Variants in PLD5 observed in about 807,000 individuals in gnomAD.
PLD5 encodes inactive phospholipase D5.
PLD5 carries 36 observed loss-of-function variants against 61.1 expected under a neutral mutation model. That is an observed-to-expected ratio of 0.59 (90% CI 0.45 to 0.78). PLD5 has a LOEUF of 0.78. PLD5 is among the 30% of genes least tolerant of loss of function. The pLI is 0.00. For missense variants in PLD5, 515 were observed against 644.4 expected (o/e 0.80, Z 2.17); for synonymous variants, 243 against 242.8 (o/e 1.00, Z -0.01).
intron 4 of PLD5, among the ~76,000 whole-genome samples, chr1:242,225,801 C>T (rs1254011274): frequency 6.6e-6 from 1 of 152,228 alleles, no homozygotes; most frequent in East Asian, 1.9e-4. Flanking sequence ...TGGGTAGTTT[C>T]CACTTACTGG....
intron 1 of PLD5, chr1:242,365,767 C>A: frequency 4.6e-6 from 1 of 215,220 alleles, no homozygotes; most frequent in South Asian, 8.2e-5. Flanking sequence ...GAAAAATTGG[C>A]AGAATGTCTA....
intron 1 of PLD5, among the ~76,000 whole-genome samples, chr1:242,421,168 C>T (rs1665120937): frequency 8.8e-6 from 1 of 113,762 alleles, no homozygotes; most frequent in Admixed American, 1.1e-4. Flanking sequence ...GACAGTGAGA[C>T]TCCACCTCAA....
chr1:242,362,599 G>A lies in PLD5; in HGVS notation c.190-14357C>T, dbSNP rs118043970. On this transcript the variant is annotated intron_variant, in intron 1 of 9. Transcript: ENST00000536534. ...CTAGTGATGTTCCCAAAGGAAGCAC[G>A]TCACCCAGTAGACCCAGAGTAATCT... 1.7e-3 allele frequency among the ~76,000 whole-genome samples: 258 copies of A among 152,214 alleles called. 5 individuals are homozygous for A. In the East Asian group the frequency reaches 0.038, roughly 22 times the overall value.
At chr1:242,096,376 C>A (rs955486260) in intron 9 of PLD5, among the ~76,000 whole-genome samples, 25 of 152,074 alleles carry the variant, frequency 1.6e-4, no homozygotes, top group Admixed American at 4.6e-4. Context: ...GAGTCTTGCT[C>A]TGCCACCCAG....
intron 1 of PLD5, among the ~76,000 whole-genome samples, chr1:242,438,390 A>G (rs1572152800): frequency 2.6e-5 from 4 of 151,316 alleles, no homozygotes; most frequent in African/African-American, 9.7e-5. Context: ...CAGTCTCCCA[A>G]ATAGCTGGGA....
intron 4 of PLD5, among the ~76,000 whole-genome samples, chr1:242,251,557 G>C (rs868763534): frequency 3.5e-4 from 53 of 152,254 alleles, no homozygotes; most frequent in African/African-American, 1.1e-3. Flanking sequence ...TCAGGGCAGA[G>C]CCGGGCTGCC....
rs143198396 is a variant in PLD5 at position 242,385,652 on chromosome 1, C to T, written c.190-37410G>A. 1.6e-3 allele frequency among the ~76,000 whole-genome samples: 244 copies of T among 152,170 alleles called. 1 individual carries two copies. The highest frequency in any genetic ancestry group is 5.6e-3 in the African/African-American group (233 of 41,484). On this transcript the variant is annotated intron_variant, in intron 1 of 9. Transcript: ENST00000536534. ...CGACCTGGTGTTGGGTCTGATCACC[C>T]CAACACTAAAAATCAAAAATTAAAG...
chr1:242,384,112 T>C (rs1662460936), intron 1 of PLD5, among the ~76,000 whole-genome samples: 1 of 152,282 alleles, frequency 6.6e-6, no homozygotes, highest in Non-Finnish European at 1.5e-5. Flanking sequence ...TTTGTGTTTC[T>C]TGTTATCTTT....
At chr1:242,398,870 C>T (rs955606579) in intron 1 of PLD5, among the ~76,000 whole-genome samples, 1 of 152,234 alleles carries the variant, frequency 6.6e-6, no homozygotes, top group African/African-American at 2.4e-5. Flanking sequence ...GTGAAAGGCA[C>T]TGAAATTTCT....
intron 7 of PLD5, 36 bp downstream of exon 7, chr1:242,113,854 G>A: frequency 6.3e-7 from 1 of 1,599,710 alleles, no homozygotes; most frequent in African/African-American, 1.3e-5. Flanking sequence ...TGGTCTTAGG[G>A]ACTGGGTTCT....
At chr1:242,093,403 C>T (rs1374279337) in intron 9 of PLD5, among the ~76,000 whole-genome samples, 1 of 152,158 alleles carries the variant, frequency 6.6e-6, no homozygotes, top group Non-Finnish European at 1.5e-5. Context: ...AAACTCTCAT[C>T]CCCACAGCTG....
chr1:242,127,050 G>T (rs2148742807), intron 5 of PLD5, among the ~76,000 whole-genome samples: 1 of 152,248 alleles, frequency 6.6e-6, no homozygotes, highest in Middle Eastern at 3.4e-3. Flanking sequence ...ACATATGAAA[G>T]AGTGCTCAAC....
chr1:242,503,192 C>G (rs1279276175), intron 1 of PLD5, among the ~76,000 whole-genome samples: 1 of 152,154 alleles, frequency 6.6e-6, no homozygotes, highest in Non-Finnish European at 1.5e-5. Flanking sequence ...GAGGTGGGGC[C>G]TGGTGGGAGG....
chr1:242,321,495 G>A (rs372986468), intron 2 of PLD5, among the ~76,000 whole-genome samples: 1 of 152,126 alleles, frequency 6.6e-6, no homozygotes, highest in South Asian at 2.1e-4. Context: ...AGTAGAGACG[G>A]TGTTTCACCA....
rs539423551 is a variant in PLD5 at position 242,460,437 on chromosome 1, G to A, written c.189+63651C>T. 3.3e-5 allele frequency among the ~76,000 whole-genome samples: 5 copies of A among 152,230 alleles called. No individual in the cohort carries two copies. In the South Asian group the frequency reaches 6.2e-4, roughly 19 times the overall value. Reference sequence around the variant, plus strand: ...CATTGCGGGCTGCTGGCCAGATCCCGCAATAGGATTAGTGAATTACAAAAT... The same window carrying A: ...CATTGCGGGCTGCTGGCCAGATCCCACAATAGGATTAGTGAATTACAAAAT... On this transcript the variant is annotated intron_variant, in intron 1 of 9. Transcript: ENST00000536534.
intron 2 of PLD5, among the ~76,000 whole-genome samples, chr1:242,338,813 A>T (rs74152354): frequency 6.6e-6 from 1 of 152,230 alleles, no homozygotes; most frequent in African/African-American, 2.4e-5. Flanking sequence ...ATACTAATAC[A>T]TGCCATCTTA....
Position 242,420,835 on chromosome 1 carries a change from C to CA in PLD5, c.190-72594dup, listed in dbSNP as rs200456689. ...TCTTAGCATTCTAGTCCTTTATCTT[C>CA]AAAAAATGCATGTCCATTTTGCAAT... On this transcript the variant is annotated intron_variant, in intron 1 of 9. Coordinates refer to ENST00000536534, the MANE Select transcript of PLD5 (RefSeq NM_001372062.1). Among the ~76,000 whole-genome samples, 1,168 of 152,178 alleles carry CA rather than the reference C, an allele frequency of 7.7e-3. 12 individuals are homozygous for CA. The highest frequency in any genetic ancestry group is 0.027 in the African/African-American group (1,115 of 41,532).
intron 1 of PLD5, among the ~76,000 whole-genome samples, chr1:242,382,153 T>C (rs947722295): frequency 1.2e-4 from 15 of 122,052 alleles, no homozygotes; most frequent in Non-Finnish European, 1.8e-4. Flanking sequence ...AACAAAAAAC[T>C]GAACATAGAA....
At chr1:242,448,241 A>C (rs1666628860) in intron 1 of PLD5, among the ~76,000 whole-genome samples, 1 of 152,160 alleles carries the variant, frequency 6.6e-6, no homozygotes, top group African/African-American at 2.4e-5. Flanking sequence ...TGGTGCATGA[A>C]GGCAGGGAAT....
Sources: allele counts gnomAD v4.1 joint callset (sites outside exome capture counted in the v4.1 genomes callset), GRCh38; gene constraint gnomAD v4.1.1; transcripts MANE v1.5; gene names NCBI Gene and HGNC (gene_info 2026-07-23, HGNC 2026-07-21).